FRK: variants seen among roughly 807,000 people sequenced by gnomAD.
FRK encodes fyn related Src family tyrosine kinase, also known as tyrosine-protein kinase FRK.
FRK carries 51 observed loss-of-function variants against 56.4 expected under a neutral mutation model. That is an observed-to-expected ratio of 0.90 (90% CI 0.72 to 1.14). The LOEUF (loss-of-function observed/expected upper bound fraction) is 1.14, where lower values mean the gene tolerates loss of function less well. FRK is among the 50% of genes most tolerant of loss of function. FRK has a pLI of 0.00. For synonymous variants in FRK, 245 were observed against 217.9 expected (o/e 1.12, Z -1.10); for missense variants, 570 against 601.4 (o/e 0.95, Z 0.55).
In FRK at chr6:116,032,029, G is replaced by A. The variant is rs539371698; in HGVS notation, c.344+27939C>T. 2.0e-5 allele frequency among the ~76,000 whole-genome samples: 3 copies of A among 152,138 alleles called. No homozygotes were observed. In the East Asian group the frequency reaches 5.8e-4, roughly 29 times the overall value. The stretch of plus-strand genomic sequence containing the variant: ...TCCAAAATATACACAAGAGGAAGCT[G>A]TAGAAAAATTTCCAACATAAGGTTC... On this transcript the variant is annotated intron_variant, in intron 1 of 7. Transcript: ENST00000606080.
At chr6:116,004,042 C>T (rs760613388) in intron 1 of FRK, 44 bp from the exon 2 acceptor site, 1 of 1,564,530 alleles carries the variant, frequency 6.4e-7, no homozygotes, top group African/African-American at 1.4e-5. Context: ...AATTAACATT[C>T]ATTTTTTAAG....
the FRK span, among the ~76,000 whole-genome samples, chr6:116,073,020 T>C: frequency 1.3e-5 from 2 of 152,128 alleles, no homozygotes; most frequent in Non-Finnish European, 2.9e-5. Context: ...ATGTGTGACA[T>C]TTAAAATATT....
intron 2 of FRK, among the ~76,000 whole-genome samples, chr6:115,997,133 T>A (rs1466254803): frequency 6.6e-6 from 1 of 152,214 alleles, no homozygotes; most frequent in Non-Finnish European, 1.5e-5. Flanking sequence ...ATCAAATAAT[T>A]ATCACATAAA....
chr6:116,089,316 CA>C, the FRK span, among the ~76,000 whole-genome samples: 252 of 152,328 alleles, frequency 1.7e-3, 7 homozygotes, highest in East Asian at 0.045. Context: ...ATAGTTTTCT[CA>C]GCCCAGCCCT....
intron 1 of FRK, among the ~76,000 whole-genome samples, chr6:116,059,228 T>C (rs916473914): frequency 6.6e-6 from 1 of 152,178 alleles, no homozygotes; most frequent in African/African-American, 2.4e-5. Flanking sequence ...TCCTCTTTTG[T>C]TGCAATATAA....
Position 116,008,684 on chromosome 6 carries a change from C to T in FRK, c.345-4686G>A, listed in dbSNP as rs1775345551. ...TTCTGATCAAGTCTGCCTTTTAGAG[C>T]CTCTGCTGGCCCCATTCTGGAAGGG... On this transcript the variant is annotated intron_variant, in intron 1 of 7. Coordinates refer to ENST00000606080, the MANE Select transcript of FRK (RefSeq NM_002031.3). 2.0e-5 allele frequency among the ~76,000 whole-genome samples: 3 copies of T among 152,278 alleles called. No homozygotes were observed. In the South Asian group the frequency reaches 6.2e-4, roughly 32 times the overall value.
chr6:116,059,717 T>C (rs896198146), intron 1 of FRK, among the ~76,000 whole-genome samples: 1 of 152,234 alleles, frequency 6.6e-6, no homozygotes, highest in African/African-American at 2.4e-5. Context: ...ATCATTTGTT[T>C]ATTTTGAAAA....
chr6:116,037,202 A>G lies in FRK; in HGVS notation c.344+22766T>C, dbSNP rs1437957778. ...AATTTCCCATTAGCAAATATAAAAG[A>G]TTTTTTATATTACTATTAAGTTGCT... On this transcript the variant is annotated intron_variant, in intron 1 of 7. Transcript: ENST00000606080. 2.6e-5 allele frequency among the ~76,000 whole-genome samples: 4 copies of G among 152,144 alleles called. No homozygotes were observed. The East Asian group carries it at 7.7e-4, about 29-fold the overall frequency.
intron 2 of FRK, among the ~76,000 whole-genome samples, chr6:115,978,252 A>G (rs573203886): frequency 2.6e-4 from 40 of 152,350 alleles, no homozygotes; most frequent in Middle Eastern, 3.4e-3. Flanking sequence ...CTCTAAGGAA[A>G]TAATCTAAAT....
At chr6:116,012,478 G>A (rs898316684) in intron 1 of FRK, among the ~76,000 whole-genome samples, 1 of 152,150 alleles carries the variant, frequency 6.6e-6, no homozygotes, top group Admixed American at 6.6e-5. Flanking sequence ...GCATACAAAA[G>A]CTAGCGATGC....
chr6:116,095,969 G>C, the FRK span, among the ~76,000 whole-genome samples: 4 of 152,166 alleles, frequency 2.6e-5, no homozygotes, highest in African/African-American at 7.2e-5. Context: ...TCTGGAATTG[G>C]GTGACATGAC....
At chr6:116,073,629 C>G in the FRK span, among the ~76,000 whole-genome samples, 1 of 152,214 alleles carries the variant, frequency 6.6e-6, no homozygotes, top group Non-Finnish European at 1.5e-5. Flanking sequence ...GGTAAGTGAT[C>G]GCCACTTAAA....
chr6:116,036,357 G>A (rs1776479569), intron 1 of FRK, among the ~76,000 whole-genome samples: 1 of 152,060 alleles, frequency 6.6e-6, no homozygotes, highest in African/African-American at 2.4e-5. Context: ...ACTTACTGCT[G>A]GATCAAACTA....
chr6:115,995,513 T>C (rs58604737), intron 2 of FRK, among the ~76,000 whole-genome samples: 10,813 of 151,190 alleles, frequency 0.072, 556 homozygotes, highest in Admixed American at 0.15. Context: ...AAAATATCAA[T>C]ACAAAAAATC....
At chr6:116,007,896 A>G (rs368137713) in intron 1 of FRK, among the ~76,000 whole-genome samples, 2 of 152,214 alleles carry the variant, frequency 1.3e-5, no homozygotes, top group African/African-American at 4.8e-5. Context: ...TAATGCATGT[A>G]TTTAGAAAAT....
At chr6:116,040,380 A>G (rs1384017269) in intron 1 of FRK, among the ~76,000 whole-genome samples, 1 of 152,222 alleles carries the variant, frequency 6.6e-6, no homozygotes, top group Non-Finnish European at 1.5e-5. Context: ...TATAAAATCT[A>G]TAATACTCAA....
chr6:116,007,835 C>T (rs1489787169), intron 1 of FRK, among the ~76,000 whole-genome samples: 2 of 130,080 alleles, frequency 1.5e-5, no homozygotes, highest in African/African-American at 2.8e-5. Flanking sequence ...GACAGTAATG[C>T]ATATATGTTC....
intron 4 of FRK, 72 bp downstream of exon 4, chr6:115,967,479 T>A: frequency 1.4e-6 from 2 of 1,458,180 alleles, no homozygotes; most frequent in Non-Finnish European, 1.9e-6. Context: ...CTATGACCTC[T>A]TAGATATTTA....
the FRK span, among the ~76,000 whole-genome samples, chr6:116,072,566 A>ACACAC: frequency 4.6e-4 from 51 of 111,580 alleles, no homozygotes; most frequent in African/African-American, 1.5e-3. Flanking sequence ...CACACACACA[A>ACACAC]GATACCTTTC....
Sources: gnomAD v4.1 joint callset for allele counts (sites outside exome capture counted in the v4.1 genomes callset) on GRCh38, gnomAD v4.1.1 for gene constraint, MANE v1.5 for transcripts, NCBI Gene and HGNC (gene_info 2026-07-23, HGNC 2026-07-21) for gene names.